Variants in PRMT7 observed in about 807,000 individuals in gnomAD.
PRMT7 encodes protein arginine methyltransferase 7, also known as protein arginine N-methyltransferase 7.
Under a neutral mutation model 85.4 loss-of-function variants are expected in PRMT7, and 75 were observed. The observed-to-expected ratio is 0.88, with a 90% CI of 0.73 to 1.06. The LOEUF is 1.06. Among genes scored for constraint, PRMT7 ranks in the 50% least tolerant of loss-of-function variants. PRMT7 has a pLI of 0.00. For missense variants in PRMT7, 868 were observed against 915.2 expected (o/e 0.95, Z 0.67); for synonymous variants, 397 against 359.5 (o/e 1.10, Z -1.18).
At chr16:68,356,628 C>A in intron 17 of PRMT7, 73 bp from the exon 18 acceptor site, 1 of 1,188,356 alleles carries the variant, frequency 8.4e-7, no homozygotes, top group Non-Finnish European at 1.2e-6. Flanking sequence ...TTCTGGAAAG[C>A]CGCAGGAGCT....
At chr16:68,349,860 A>T (rs1253769590) in intron 14 of PRMT7, among the ~76,000 whole-genome samples, 2 of 152,216 alleles carry the variant, frequency 1.3e-5, no homozygotes, top group African/African-American at 4.8e-5. Context: ...GTGGCAGAGC[A>T]CTACAGCATG....
At chr16:68,323,467 G>A (rs1214992562) in intron 4 of PRMT7, among the ~76,000 whole-genome samples, 2 of 152,202 alleles carry the variant, frequency 1.3e-5, no homozygotes, top group South Asian at 2.1e-4. Flanking sequence ...TGATCCACCC[G>A]CCTCAGCCTC....
At position 68,347,184 on chromosome 16, in the gene PRMT7, T is replaced by C. The variant is rs1225011696; in HGVS notation, c.1192-27T>C. The C allele has an allele frequency of 3.9e-6, 6 of 1,547,474 alleles. No individual in the cohort carries two copies. In the African/African-American group the frequency reaches 8.2e-5, roughly 21 times the overall value. ...TCTTCTGGCAAACTGGAGGAAGCCC[T>C]GTGCTGAGCTTGCCTGTTCCCCGCA... On this transcript the variant is annotated intron_variant, in intron 11 of 18. Coordinates refer to ENST00000441236, the MANE Select transcript of PRMT7 (RefSeq NM_019023.5).
rs148293677 is a variant in PRMT7 at position 68,324,822 on chromosome 16, A to G, written c.272A>G (p.Tyr91Cys). The G allele has an allele frequency of 4.7e-5, 76 of 1,613,932 alleles. No homozygotes were observed. Among genetic ancestry groups the G allele is most frequent in the East Asian group, 1.3e-4 (6 of 44,902 alleles). Residue 91 changes from tyrosine (Y) to cysteine (C), a missense_variant, in exon 5 of 19, where the codon TAT becomes TGT. Tyr to Cys is a radical substitution (Grantham distance 194, BLOSUM62 -2). Coordinates refer to ENST00000441236, the MANE Select transcript of PRMT7 (RefSeq NM_019023.5). Reference sequence around the variant, plus strand: ...GTCACAGCAGGTGCCGACTTCTGCTATGCCATCGAGGTAAGCCATTCCCTT... The same window carrying G: ...GTCACAGCAGGTGCCGACTTCTGCTGTGCCATCGAGGTAAGCCATTCCCTT... Reference protein sequence around the residue: ...MAVTAGADFCYAIEVFKPMAD... With the variant: ...MAVTAGADFCCAIEVFKPMAD...
chr16:68,311,292 C>T (rs1022465994), intron 1 of PRMT7, 193 bp downstream of exon 1: 21 of 347,624 alleles, frequency 6.0e-5, no homozygotes, highest in African/African-American at 3.7e-4. Flanking sequence ...CTCTGCAGTG[C>T]AGCCGGGTGC....
intron 5 of PRMT7, among the ~76,000 whole-genome samples, chr16:68,326,980 A>G (rs1257539364): frequency 6.6e-6 from 1 of 152,200 alleles, no homozygotes; most frequent in African/African-American, 2.4e-5. Context: ...ACTAGGGTTT[A>G]AGGCCCTCAA....
intron 6 of PRMT7, among the ~76,000 whole-genome samples, chr16:68,330,249 G>A (rs759695746): frequency 6.6e-6 from 1 of 152,128 alleles, no homozygotes; most frequent in African/African-American, 2.4e-5. Flanking sequence ...AATTTCACAT[G>A]CCACTGACAC....
intron 17 of PRMT7, 114 bp downstream of exon 17, chr16:68,355,997 CG>C (rs1567752389): frequency 8.5e-7 from 1 of 1,179,082 alleles, no homozygotes; most frequent in African/African-American, 1.6e-5. Context: ...AGGGGGTATT[CG>C]TCCTCCCCAC....
At position 68,352,274 on chromosome 16, in the gene PRMT7, C is replaced by T. The variant is rs1349350818; in HGVS notation, c.1440C>T (p.Phe480=). ...RKVSLLLGEP[F]FTTSLLPWHN... is the part of the protein sequence containing the mutation. ...TCTCTCTCCTCCTGGGCGAGCCGTT[C>T]TTCACTACCAGCCTGCTGCCGTGGC... Residue 480 remains phenylalanine (F), a synonymous_variant, in exon 15 of 19, where the codon TTC becomes TTT. Coordinates refer to ENST00000441236, the MANE Select transcript of PRMT7 (RefSeq NM_019023.5). The T allele has an allele frequency of 1.2e-6, 2 of 1,613,760 alleles. No individual in the cohort carries two copies. The highest frequency in any genetic ancestry group is 2.2e-5 in the East Asian group (1 of 44,882).
chr16:68,314,902 G>A (rs1333093601), intron 2 of PRMT7, among the ~76,000 whole-genome samples: 2 of 152,036 alleles, frequency 1.3e-5, no homozygotes, highest in South Asian at 2.1e-4. Flanking sequence ...TTTAGATGAT[G>A]GAGGGTTTTT....
chr16:68,352,152 T>C lies in PRMT7; in HGVS notation c.1414-96T>C, dbSNP rs1353527255. On this transcript the variant is annotated intron_variant, in intron 14 of 18. Coordinates refer to ENST00000441236, the MANE Select transcript of PRMT7 (RefSeq NM_019023.5). Reference sequence around the variant, plus strand: ...AGAGGGAGGGAGTGAGGGAGTGACTTGAGTGACTGAGTGGCCTGTTGCTTC... The same window carrying C: ...AGAGGGAGGGAGTGAGGGAGTGACTCGAGTGACTGAGTGGCCTGTTGCTTC... The C allele has an allele frequency of 2.2e-6, 3 of 1,334,600 alleles. No homozygotes were observed. In the African/African-American group the frequency reaches 4.4e-5, roughly 19 times the overall value. The allele number at this position is 1,334,600 out of a possible 1,614,324, so 82.7% of individuals were successfully genotyped here.
At chr16:68,349,724 T>C (rs1350728500) in intron 14 of PRMT7, among the ~76,000 whole-genome samples, 1 of 151,784 alleles carries the variant, frequency 6.6e-6, no homozygotes, top group Non-Finnish European at 1.5e-5. Flanking sequence ...GGAGACCCTG[T>C]CTCTATAAAA....
At chr16:68,324,890 C>T in intron 5 of PRMT7, 58 bp downstream of exon 5, 1 of 1,592,400 alleles carries the variant, frequency 6.3e-7, no homozygotes, top group Non-Finnish European at 8.6e-7. Flanking sequence ...CCCCTATGCT[C>T]TTGCACTTTC....
downstream of PRMT7, chr16:68,359,528 G>A (rs922074247): frequency 6.5e-5 from 10 of 152,796 alleles, no homozygotes; most frequent in Non-Finnish European, 1.2e-4. Context: ...ACAGGGCCAG[G>A]CATCTGGCTG....
chr16:68,349,019 A>G (rs1428995445), intron 14 of PRMT7, among the ~76,000 whole-genome samples: 1 of 151,956 alleles, frequency 6.6e-6, no homozygotes, highest in Non-Finnish European at 1.5e-5. Flanking sequence ...GGAGCAGAGC[A>G]TGTCCTTTCC....
chr16:68,336,822 G>A (rs6499171), intron 6 of PRMT7, among the ~76,000 whole-genome samples: 93,068 of 152,014 alleles, frequency 0.61, 28,680 homozygotes, highest in East Asian at 0.79. Context: ...GCACAATTTC[G>A]GCTCACTGCA....
chr16:68,339,879 T>C lies in PRMT7; in HGVS notation c.838T>C (p.Ser280Pro). ...ATCTGGCCGAGCTCAGGTGGTTCTC[T>C]CGTGGTGGGACATTGAAATGGACCC... ...LTSGRAQVVL[S>P]WWDIEMDPEG... Residue 280 changes from serine (S) to proline (P), a missense_variant, in exon 9 of 19, where the codon TCG (serine) becomes CCG (proline). Physicochemically the swap from Ser to Pro is moderately conservative, Grantham distance 74. Transcript: ENST00000441236. The C allele has an allele frequency of 6.2e-7, 1 of 1,614,182 alleles. No individual in the cohort carries two copies. Among genetic ancestry groups the C allele is most frequent in the Non-Finnish European group, 8.5e-7 (1 of 1,180,024 alleles).
Position 68,358,497 on chromosome 16 carries a change from G to C in PRMT7, c.*1273G>C, listed in dbSNP as rs779794823. The C allele has an allele frequency of 3.3e-5, 5 of 152,622 alleles. No homozygotes were observed. The highest frequency in any genetic ancestry group is 7.3e-5 in the Non-Finnish European group (5 of 68,038). 9.5% of individuals were successfully genotyped at this position (152,622 alleles called of 1,614,324 possible). Reference sequence around the variant, plus strand: ...TGATAATGTTTTTACCAAAACCATAGGTGTGCTTACCATAGAAAACCCCTA... The same window carrying C: ...TGATAATGTTTTTACCAAAACCATACGTGTGCTTACCATAGAAAACCCCTA... On this transcript the variant is annotated 3_prime_UTR_variant, in exon 19 of 19. Transcript: ENST00000441236.
Position 68,337,474 on chromosome 16 carries a change from G to A in PRMT7, c.407G>A (p.Cys136Tyr). The change falls in exon 7 of 19, where the codon TGC (cysteine) becomes TAC (tyrosine). Residue 136 changes from cysteine (C) to tyrosine (Y), a missense_variant. Cys to Tyr is a radical substitution (Grantham distance 194, BLOSUM62 -2). Transcript: ENST00000441236. ...TGTTTTTCAGAGGGTGACATGCCAT[G>A]CCGTGCCAACATCCTGGTCACAGAG... is the stretch of plus-strand genomic sequence containing the variant. ...VTVGPEGDMP[C>Y]RANILVTELF... The A allele has an allele frequency of 6.2e-7, 1 of 1,609,692 alleles. No homozygotes were observed.
Sources: gnomAD v4.1 joint callset for allele counts (sites outside exome capture counted in the v4.1 genomes callset) on GRCh38, gnomAD v4.1.1 for gene constraint, MANE v1.5 for transcripts, NCBI Gene and HGNC (gene_info 2026-07-23, HGNC 2026-07-21) for gene names.